Variants in LRRIQ1 observed in about 807,000 individuals in gnomAD.
The protein encoded by LRRIQ1 is leucine-rich repeat- and IQ domain-containing protein 1.
A neutral mutation model predicts 211.9 loss-of-function variants in LRRIQ1; 210 were observed. The observed-to-expected ratio is 0.99, with a 90% CI of 0.89 to 1.11. The LOEUF (loss-of-function observed/expected upper bound fraction) is 1.11, where lower values mean the gene tolerates loss of function less well. Ranked by LOEUF, LRRIQ1 falls within the 50% of genes most tolerant of loss-of-function variation. The pLI, the probability that LRRIQ1 is intolerant of heterozygous loss-of-function variation, is 0.00. For missense variants in LRRIQ1, 2,136 were observed against 1,939.5 expected (o/e 1.10, Z -1.90); for synonymous variants, 699 against 650.1 (o/e 1.08, Z -1.14).
chr12:85,071,182 A>G (rs1883043386), intron 10 of LRRIQ1, among the ~76,000 whole-genome samples: 1 of 151,914 alleles, frequency 6.6e-6, no homozygotes, highest in African/African-American at 2.4e-5. Flanking sequence ...TTACTCTTAT[A>G]TGTGGAATTT....
intron 11 of LRRIQ1, among the ~76,000 whole-genome samples, chr12:85,088,701 T>C (rs1421666200): frequency 1.3e-5 from 2 of 152,170 alleles, no homozygotes; most frequent in Non-Finnish European, 2.9e-5. Flanking sequence ...TTATTCTCTT[T>C]GAAGCAGTTG....
intron 24 of LRRIQ1, among the ~76,000 whole-genome samples, chr12:85,179,322 A>C (rs1891869170): frequency 6.6e-6 from 1 of 151,904 alleles, no homozygotes; most frequent in South Asian, 2.1e-4. Flanking sequence ...AAATATTGTA[A>C]TAGTGTCCTT....
At chr12:85,167,354 G>A (rs1891202262) in intron 24 of LRRIQ1, among the ~76,000 whole-genome samples, 1 of 152,084 alleles carries the variant, frequency 6.6e-6, no homozygotes, top group Non-Finnish European at 1.5e-5. Context: ...CCCACAATAG[G>A]CCATCTGCAA....
chr12:85,264,891 A>AC (rs960011682), downstream of LRRIQ1, among the ~76,000 whole-genome samples: 9 of 152,120 alleles, frequency 5.9e-5, no homozygotes, highest in East Asian at 1.7e-3. Flanking sequence ...TTCTGTAAAT[A>AC]CCCCATCCCA....
At chr12:85,266,199 T>C (rs1896415127), downstream of LRRIQ1, among the ~76,000 whole-genome samples, 1 of 152,104 alleles carries the variant, frequency 6.6e-6, no homozygotes, top group African/African-American at 2.4e-5. Context: ...GTAATCTATT[T>C]CATATCAGGT....
At chr12:85,145,033 T>C (rs932417239) in intron 19 of LRRIQ1, among the ~76,000 whole-genome samples, 1 of 151,544 alleles carries the variant, frequency 6.6e-6, no homozygotes, top group Admixed American at 6.6e-5. Flanking sequence ...ACTGATTTAG[T>C]TGAAAAAAAT....
At chr12:85,107,592 A>AT (rs932119784) in intron 15 of LRRIQ1, among the ~76,000 whole-genome samples, 74 of 149,130 alleles carry the variant, frequency 5.0e-4, no homozygotes, top group African/African-American at 9.6e-4. Flanking sequence ...ATTTATGGCC[A>AT]TTTTTTTTTC....
At position 85,057,091 on chromosome 12, in the gene LRRIQ1, A is replaced by G; in HGVS notation, c.2298A>G (p.Arg766=). The G allele has an allele frequency of 1.9e-6, 3 of 1,608,220 alleles. No individual in the cohort carries two copies. The highest frequency in any genetic ancestry group is 1.7e-6 in the Non-Finnish European group (2 of 1,178,148). Residue 766 remains arginine, a synonymous_variant, in exon 8 of 27, where the codon AGA becomes AGG. Transcript: ENST00000393217. ...FKQNQQKKIV[R]RKRPVKCPAN... is the part of the protein sequence containing the mutation. ...AAAATCAACAAAAGAAAATTGTTAG[A>G]AGAAAGAGACCTGTGAAATGCCCAG...
At chr12:85,174,524 G>T (rs1456490168) in intron 24 of LRRIQ1, among the ~76,000 whole-genome samples, 1 of 148,992 alleles carries the variant, frequency 6.7e-6, no homozygotes, top group East Asian at 2.0e-4. Flanking sequence ...GCAAAACCCT[G>T]TCTCTACTAA....
At chr12:85,204,761 G>T (rs2137036136) in intron 24 of LRRIQ1, among the ~76,000 whole-genome samples, 1 of 152,206 alleles carries the variant, frequency 6.6e-6, no homozygotes, top group South Asian at 2.1e-4. Context: ...TAACCAGCTT[G>T]CTTTTGATTT....
At chr12:85,081,640 A>G (rs1884295335) in intron 11 of LRRIQ1, among the ~76,000 whole-genome samples, 1 of 152,030 alleles carries the variant, frequency 6.6e-6, no homozygotes, top group Non-Finnish European at 1.5e-5. Context: ...TAACTCCGCA[A>G]GGAAAACATA....
chr12:85,249,712 A>G (rs1895846854), downstream of LRRIQ1, among the ~76,000 whole-genome samples: 1 of 151,908 alleles, frequency 6.6e-6, no homozygotes, highest in Non-Finnish European at 1.5e-5. Context: ...TTATTTTTAA[A>G]TGGATATTGT....
intron 26 of LRRIQ1, among the ~76,000 whole-genome samples, chr12:85,240,713 C>T (rs972044451): frequency 8.6e-5 from 13 of 152,040 alleles, no homozygotes; most frequent in Non-Finnish European, 2.9e-5. Context: ...ACAAATATTT[C>T]CATCGATCTC....
At chr12:85,116,698 C>A (rs1481132363) in intron 15 of LRRIQ1, among the ~76,000 whole-genome samples, 1 of 152,116 alleles carries the variant, frequency 6.6e-6, no homozygotes, top group African/African-American at 2.4e-5. Context: ...CTGTTCCTCT[C>A]CCTCCTCCCA....
chr12:85,272,206 C>T, the LRRIQ1 span, among the ~76,000 whole-genome samples: 1 of 152,132 alleles, frequency 6.6e-6, no homozygotes, highest in Admixed American at 6.5e-5. Context: ...AGTAAAGTTT[C>T]TTTAGTTTAT....
rs747979656 is a variant in LRRIQ1, at chr12:85,066,864, T to G, written c.2661T>G (p.Cys887Trp). The change falls in exon 10 of 27, where the codon TGT (cysteine) becomes TGG (tryptophan). Residue 887 changes from cysteine (C) to tryptophan (W), a missense_variant. Cys to Trp is a radical substitution (Grantham distance 215). Coordinates refer to ENST00000393217, the MANE Select transcript of LRRIQ1 (RefSeq NM_001079910.2). ...TGGATGGCTGTACTAATATTCAGTGTCTTGAACTTTCATATAATAAAATTA... is the reference window on the plus strand; with the variant it reads ...TGGATGGCTGTACTAATATTCAGTGGCTTGAACTTTCATATAATAAAATTA... ...HGLDGCTNIQCLELSYNKITR... is the reference protein window; with the variant it reads ...HGLDGCTNIQWLELSYNKITR... 6.5e-7 allele frequency: 1 copy of G among 1,547,000 alleles called. No individual in the cohort carries two copies. The highest frequency in any genetic ancestry group is 8.8e-7 in the Non-Finnish European group (1 of 1,137,348).
intron 24 of LRRIQ1, among the ~76,000 whole-genome samples, chr12:85,181,495 A>G (rs1406373289): frequency 6.6e-6 from 1 of 151,960 alleles, no homozygotes. Context: ...TAAATTGTAT[A>G]TGAGATTTTT....
In LRRIQ1 at chr12:85,112,847, G is replaced by C. The variant is rs1887284077; in HGVS notation, c.3377+6232G>C. ...TACTATCTCACAGGCTATCTTTAGG[G>C]CACAAAATCCCTGTTCTCCCGAATG... On this transcript the variant is annotated intron_variant, in intron 15 of 26. Transcript: ENST00000393217. 2.0e-5 allele frequency among the ~76,000 whole-genome samples: 3 copies of C among 152,000 alleles called. No individual in the cohort carries two copies. In the South Asian group the frequency reaches 6.2e-4, roughly 32 times the overall value.
intron 19 of LRRIQ1, among the ~76,000 whole-genome samples, chr12:85,139,450 G>A (rs1021945219): frequency 4.6e-5 from 7 of 151,446 alleles, no homozygotes; most frequent in African/African-American, 1.7e-4. Context: ...ATCACTACGT[G>A]CCCTAACTGC....
Sources: allele counts gnomAD v4.1 joint callset (sites outside exome capture counted in the v4.1 genomes callset), GRCh38; gene constraint gnomAD v4.1.1; transcripts MANE v1.5; gene names NCBI Gene and HGNC (gene_info 2026-07-23, HGNC 2026-07-21).